Variants in HEATR5B observed in about 807,000 individuals in gnomAD.
The protein encoded by HEATR5B is HEAT repeat containing 5B, also known as HEAT repeat-containing protein 5B.
A neutral mutation model predicts 224.1 loss-of-function variants in HEATR5B; 156 were observed. The observed-to-expected ratio is 0.70, with a 90% CI of 0.61 to 0.80. HEATR5B has a LOEUF of 0.80. HEATR5B is among the 30% of genes least tolerant of loss of function. The pLI is 0.00. For missense variants in HEATR5B, 2,323 were observed against 2,535.5 expected (o/e 0.92, Z 1.80); for synonymous variants, 1,027 against 893.0 (o/e 1.15, Z -2.68).
chr2:37,073,324 T>C (rs1356524248), intron 5 of HEATR5B, among the ~76,000 whole-genome samples: 1 of 152,282 alleles, frequency 6.6e-6, no homozygotes, highest in Middle Eastern at 3.4e-3. Context: ...TTCACCACAT[T>C]AGCAAACTAA....
At chr2:37,008,256 C>T in intron 28 of HEATR5B, 1 of 195,584 alleles carries the variant, frequency 5.1e-6, no homozygotes, top group Non-Finnish European at 1.0e-5. Flanking sequence ...TTTATTGGCA[C>T]ACTAGGAATC....
chr2:37,008,757 C>A lies in HEATR5B; in HGVS notation c.4376G>T (p.Gly1459Val), dbSNP rs767536671. ...KNTDDDDDDC[G>V]TIDELPPDSL... The stretch of plus-strand genomic sequence containing the variant: ...ATCTGGTGGCAGTTCATCGATGGTA[C>A]CACAGTCGTCATCATCATCGTCAGT... Residue 1459 changes from glycine to valine, a missense_variant, in exon 28 of 36, where the codon GGT becomes GTT. Physicochemically the swap from Gly to Val is moderately radical, Grantham distance 109. Transcript: ENST00000233099. The A allele has an allele frequency of 6.2e-7, 1 of 1,613,924 alleles. No individual in the cohort carries two copies. The highest frequency in any genetic ancestry group is 8.5e-7 in the Non-Finnish European group (1 of 1,179,856).
chr2:37,034,278 T>C (rs1398066177), intron 21 of HEATR5B, among the ~76,000 whole-genome samples: 1 of 148,540 alleles, frequency 6.7e-6, no homozygotes, highest in East Asian at 2.1e-4. Flanking sequence ...AGTGCTGGGA[T>C]TACAGGCGTG....
intron 7 of HEATR5B, among the ~76,000 whole-genome samples, 186 bp downstream of exon 7, chr2:37,070,044 T>G (rs952141299): frequency 1.3e-5 from 2 of 152,004 alleles, no homozygotes; most frequent in Non-Finnish European, 2.9e-5. Context: ...ACTACAGGCA[T>G]GCGCCACCAC....
chr2:37,060,299 C>T (rs914989846), intron 12 of HEATR5B, among the ~76,000 whole-genome samples: 1 of 151,986 alleles, frequency 6.6e-6, no homozygotes, highest in Non-Finnish European at 1.5e-5. Flanking sequence ...CTCAGTGCTT[C>T]TTTGACAGGT....
chr2:37,000,005 T>G (rs1041916734), intron 33 of HEATR5B, among the ~76,000 whole-genome samples: 10 of 151,400 alleles, frequency 6.6e-5, no homozygotes, highest in African/African-American at 2.2e-4. Flanking sequence ...GAGCGAGACT[T>G]TGTCTCAAAA....
intron 27 of HEATR5B, among the ~76,000 whole-genome samples, chr2:37,011,174 G>A (rs1157592768): frequency 2.6e-5 from 4 of 152,256 alleles, no homozygotes; most frequent in Non-Finnish European, 5.9e-5. Flanking sequence ...ACAGATAAAC[G>A]AATCTTAGCC....
At chr2:37,072,007 G>A in intron 6 of HEATR5B, 103 bp downstream of exon 6, 23 of 937,516 alleles carry the variant, frequency 2.5e-5, no homozygotes, top group Non-Finnish European at 3.6e-5. Flanking sequence ...TTATGGAAAA[G>A]TAGACAAAGA....
intron 35 of HEATR5B, among the ~76,000 whole-genome samples, chr2:36,985,119 G>C (rs1291863484): frequency 6.6e-6 from 1 of 152,154 alleles, no homozygotes; most frequent in Non-Finnish European, 1.5e-5. Context: ...AAAGTTGAAC[G>C]ACTTAAATTC....
chr2:37,019,059 G>A (rs1451128185), intron 26 of HEATR5B, among the ~76,000 whole-genome samples: 4 of 151,948 alleles, frequency 2.6e-5, no homozygotes, highest in East Asian at 1.9e-4. Context: ...TCAGGAGGCC[G>A]AGGCAGAAGA....
chr2:37,029,676 C>T (rs1159185810), intron 22 of HEATR5B, among the ~76,000 whole-genome samples: 1 of 151,924 alleles, frequency 6.6e-6, no homozygotes, highest in Non-Finnish European at 1.5e-5. Flanking sequence ...CACAGTGGCT[C>T]ATGCCTGTAA....
chr2:37,004,182 G>A (rs1667267914), intron 30 of HEATR5B, among the ~76,000 whole-genome samples: 1 of 151,892 alleles, frequency 6.6e-6, no homozygotes, highest in Non-Finnish European at 1.5e-5. Flanking sequence ...GAACCTAAAT[G>A]AAATTTCAAA....
intron 10 of HEATR5B, 109 bp from the exon 11 acceptor site, chr2:37,062,159 G>A (rs1021058544): frequency 1.5e-6 from 1 of 651,974 alleles, no homozygotes; most frequent in African/African-American, 1.8e-5. Context: ...GGATGCGGTG[G>A]CTCATGCCTG....
chr2:37,081,211 G>T (rs1351572255), intron 2 of HEATR5B, among the ~76,000 whole-genome samples: 1 of 152,188 alleles, frequency 6.6e-6, no homozygotes, highest in Non-Finnish European at 1.5e-5. Flanking sequence ...ACAATTACAA[G>T]TGAATCCATG....
intron 35 of HEATR5B, among the ~76,000 whole-genome samples, chr2:36,987,391 C>T (rs1345969672): frequency 6.7e-6 from 1 of 150,262 alleles, no homozygotes; most frequent in South Asian, 2.1e-4. Flanking sequence ...ATCGTGCCAC[C>T]GCACTCCAGC....
intron 22 of HEATR5B, among the ~76,000 whole-genome samples, chr2:37,030,883 G>A (rs995906606): frequency 3.9e-5 from 6 of 152,198 alleles, no homozygotes; most frequent in African/African-American, 9.6e-5. Flanking sequence ...GCTAGCATCT[G>A]GGAATTGGGT....
intron 26 of HEATR5B, among the ~76,000 whole-genome samples, chr2:37,015,623 T>C (rs1668062865): frequency 6.6e-6 from 1 of 152,202 alleles, no homozygotes; most frequent in Non-Finnish European, 1.5e-5. Flanking sequence ...AGGAAGGTGA[T>C]ACTACTGCTT....
intron 6 of HEATR5B, 37 bp downstream of exon 6, chr2:37,072,073 G>C: frequency 1.3e-6 from 2 of 1,530,944 alleles, no homozygotes; most frequent in South Asian, 2.4e-5. Context: ...AACTAATTAG[G>C]TCTGTTATGG....
intron 12 of HEATR5B, 22 bp downstream of exon 12, chr2:37,060,559 G>A: frequency 1.3e-6 from 2 of 1,591,642 alleles, no homozygotes; most frequent in African/African-American, 1.3e-5. Flanking sequence ...ATATTGTGAA[G>A]CACAATCCTT....
Sources: allele counts gnomAD v4.1 joint callset (sites outside exome capture counted in the v4.1 genomes callset), GRCh38; gene constraint gnomAD v4.1.1; transcripts MANE v1.5; gene names NCBI Gene and HGNC (gene_info 2026-07-23, HGNC 2026-07-21).